DIAPH2: variants seen among roughly 807,000 people sequenced by gnomAD.
The protein encoded by DIAPH2 is diaphanous related formin 2.
Under a neutral mutation model 92.7 loss-of-function variants are expected in DIAPH2, and 35 were observed. That is an observed-to-expected ratio of 0.38 (90% confidence interval 0.29 to 0.50). DIAPH2 has a LOEUF of 0.50. Ranked by LOEUF, DIAPH2 falls within the 20% of genes least tolerant of loss-of-function variation. The pLI, the probability that DIAPH2 is intolerant of heterozygous loss-of-function variation, is 0.94. For synonymous variants in DIAPH2, 301 were observed against 280.4 expected, an observed-to-expected ratio of 1.07 and a Z score of -0.73; for missense variants, 701 against 819.5, an observed-to-expected ratio of 0.86 and a Z score of 1.77.
At chrX:97,380,805 T>C (rs147755033) in intron 24 of DIAPH2, among the ~76,000 whole-genome samples, 218 of 111,991 alleles carry the variant, frequency 1.9e-3, no homozygotes, top group African/African-American at 6.9e-3. Flanking sequence ...CAGAATCTTA[T>C]TCTAGTCTGT....
At chrX:97,326,769 A>G (rs2068954431) in intron 23 of DIAPH2, among the ~76,000 whole-genome samples, 1 of 112,552 alleles carries the variant, frequency 8.9e-6, no homozygotes, top group Non-Finnish European at 1.9e-5. Context: ...TCAGCATTGC[A>G]GTTTGCAAAG....
chrX:97,298,318 A>G (rs1489971952), intron 23 of DIAPH2, among the ~76,000 whole-genome samples: 1 of 104,880 alleles, frequency 9.5e-6, no homozygotes, highest in African/African-American at 3.5e-5. Context: ...ATAATGAGTA[A>G]TATCAAGGAA....
intron 22 of DIAPH2, among the ~76,000 whole-genome samples, chrX:97,207,391 T>C (rs1029413664): frequency 8.9e-6 from 1 of 112,070 alleles, no homozygotes; most frequent in African/African-American, 3.2e-5. Flanking sequence ...GGGACGTTTG[T>C]AACAACAGTA....
At chrX:97,357,709 C>T (rs1007768310) in intron 24 of DIAPH2, among the ~76,000 whole-genome samples, 2 of 111,980 alleles carry the variant, frequency 1.8e-5, no homozygotes, top group Non-Finnish European at 3.8e-5. Flanking sequence ...ATTAATAGAA[C>T]AATGAGTGAA....
intron 17 of DIAPH2, among the ~76,000 whole-genome samples, chrX:97,034,729 A>G (rs1291950087): frequency 9.0e-6 from 1 of 111,373 alleles, no homozygotes; most frequent in Non-Finnish European, 1.9e-5. Flanking sequence ...TTACCATTGT[A>G]ACTACTGAAC....
intron 17 of DIAPH2, among the ~76,000 whole-genome samples, chrX:97,008,598 G>A (rs2066201403): frequency 9.0e-6 from 1 of 111,601 alleles, no homozygotes; most frequent in African/African-American, 3.3e-5. Flanking sequence ...CCTGACTATT[G>A]TGATCTAAGT....
At chrX:96,993,356 A>G (rs1305643392) in intron 17 of DIAPH2, among the ~76,000 whole-genome samples, 1 of 112,430 alleles carries the variant, frequency 8.9e-6, no homozygotes, top group African/African-American at 3.2e-5. Flanking sequence ...TCACACTGCT[A>G]TAAAGACATA....
chrX:97,231,201 C>CT (rs2068006457), intron 22 of DIAPH2, among the ~76,000 whole-genome samples: 1 of 98,697 alleles, frequency 1.0e-5, no homozygotes, highest in South Asian at 4.5e-4. Flanking sequence ...GTTTACTGGG[C>CT]TTTTTTGGAT....
intron 4 of DIAPH2, among the ~76,000 whole-genome samples, chrX:96,816,199 G>A (rs1445122508): frequency 8.9e-6 from 1 of 111,915 alleles, no homozygotes; most frequent in Non-Finnish European, 1.9e-5. Context: ...CCGTATGTAT[G>A]TATGTATGTT....
chrX:96,732,213 T>TA (rs2064060027), intron 1 of DIAPH2, among the ~76,000 whole-genome samples: 1 of 111,878 alleles, frequency 8.9e-6, no homozygotes, highest in Non-Finnish European at 1.9e-5. Context: ...CAAGTCCTTT[T>TA]ATACCTTTCT....
intron 25 of DIAPH2, among the ~76,000 whole-genome samples, chrX:97,423,802 T>C (rs2070034207): frequency 8.9e-6 from 1 of 112,211 alleles, no homozygotes; most frequent in South Asian, 3.7e-4. Flanking sequence ...ATAGGTATTG[T>C]ATGTTGTAAA....
chrX:97,297,075 CCTTT>C (rs1569354658), intron 23 of DIAPH2, among the ~76,000 whole-genome samples: 34 of 75,120 alleles, frequency 4.5e-4, no homozygotes, highest in Non-Finnish European at 6.2e-4. Context: ...CCAGGCCTGG[CCTTT>C]TTTTTTTTTT....
In DIAPH2 at chrX:96,807,944, C is replaced by CAAAAAAAAAAAAA. The variant is rs541681495; in HGVS notation, c.447+49713_447+49725dup. ...GTGAGATTTGGTATTGTAGAAATAG[C>CAAAAAAAAAAAAA]AAAAAAAAAAAAAAAAAAAAAAAAA... On this transcript the variant is annotated intron_variant, in intron 4 of 26. Transcript: ENST00000324765. 7.6e-4 allele frequency among the ~76,000 whole-genome samples: 11 copies of CAAAAAAAAAAAAA among 14,490 alleles called. 4 individuals carry two copies. The highest frequency in any genetic ancestry group is 1.1e-3 in the Non-Finnish European group (9 of 8,260). The allele number at this position is 14,490 out of a possible 115,157, so 12.6% of individuals were successfully genotyped here. A position where few individuals can be genotyped will look rare whatever the true frequency, so the allele number is the denominator to read the frequency against.
chrX:96,948,670 C>T (rs1477732172), intron 14 of DIAPH2, among the ~76,000 whole-genome samples: 1 of 111,543 alleles, frequency 9.0e-6, no homozygotes, highest in African/African-American at 3.3e-5. Context: ...TGAAGAGAGA[C>T]TTTTCAGTCT....
chrX:97,590,545 C>T (rs954049350), intron 26 of DIAPH2, among the ~76,000 whole-genome samples: 13 of 112,262 alleles, frequency 1.2e-4, no homozygotes, highest in African/African-American at 3.6e-4. Context: ...ATGGCTGATG[C>T]CTACTATTCT....
At chrX:96,856,393 T>C (rs886181249) in intron 4 of DIAPH2, among the ~76,000 whole-genome samples, 2 of 109,985 alleles carry the variant, frequency 1.8e-5, no homozygotes, top group Non-Finnish European at 3.8e-5. Context: ...ATAAATTGTA[T>C]GCCTGCTAAA....
chrX:97,529,503 C>T (rs1195447171), intron 26 of DIAPH2, among the ~76,000 whole-genome samples: 2 of 112,211 alleles, frequency 1.8e-5, no homozygotes, highest in Non-Finnish European at 3.8e-5. Context: ...ACTTGGAATA[C>T]AGTAGTACAC....
At chrX:96,975,254 G>T (rs2065953296) in intron 17 of DIAPH2, among the ~76,000 whole-genome samples, 1 of 111,460 alleles carries the variant, frequency 9.0e-6, no homozygotes, top group African/African-American at 3.3e-5. Context: ...GAATCAACTG[G>T]CTGCTTCTGA....
intron 21 of DIAPH2, among the ~76,000 whole-genome samples, chrX:97,138,087 G>A: frequency 9.0e-6 from 1 of 111,397 alleles, no homozygotes; most frequent in Non-Finnish European, 1.9e-5. Flanking sequence ...CTACAGAAGG[G>A]GTCCTTCACA....
Sources: allele counts gnomAD v4.1 joint callset (sites outside exome capture counted in the v4.1 genomes callset), GRCh38; gene constraint gnomAD v4.1.1; transcripts MANE v1.5; gene names NCBI Gene and HGNC (gene_info 2026-07-23, HGNC 2026-07-21).